Variants in GLI2 observed in about 807,000 individuals in gnomAD.
The protein encoded by GLI2 is GLI family zinc finger 2, also known as transcription activator GLI2.
In GLI2, 22 loss-of-function variants were observed where a neutral mutation model predicts 78.9. That is an observed-to-expected ratio of 0.28 (90% CI 0.20 to 0.40). The LOEUF (loss-of-function observed/expected upper bound fraction) is 0.40. Among genes scored for constraint, GLI2 ranks in the 10% least tolerant of loss-of-function variants. The pLI is 1.00. For synonymous variants in GLI2, 974 were observed against 963.7 expected (o/e 1.01, Z -0.20); for missense variants, 2,097 against 2,213.2 (o/e 0.95, Z 1.05).
chr2:120,833,670 C>T (rs766260120), intron 2 of GLI2, among the ~76,000 whole-genome samples: 1 of 152,092 alleles, frequency 6.6e-6, no homozygotes, highest in Non-Finnish European at 1.5e-5. Flanking sequence ...AGCCACCTCC[C>T]ACCACCGAGG....
At chr2:120,869,982 T>C (rs1688346229) in intron 2 of GLI2, among the ~76,000 whole-genome samples, 1 of 152,212 alleles carries the variant, frequency 6.6e-6, no homozygotes, top group African/African-American at 2.4e-5. Context: ...CTAGACAGTT[T>C]TGGAAAGTTT....
intron 2 of GLI2, among the ~76,000 whole-genome samples, chr2:120,853,916 G>A (rs1353873868): frequency 1.3e-5 from 2 of 151,228 alleles, no homozygotes; most frequent in East Asian, 3.9e-4. Context: ...CCTATGAGAT[G>A]GAGCAGCTTG....
intron 1 of GLI2, among the ~76,000 whole-genome samples, chr2:120,741,069 T>A (rs34333703): frequency 0.16 from 24,975 of 152,228 alleles, 2,105 homozygotes; most frequent in Middle Eastern, 0.27. Context: ...CCTGGCTCAG[T>A]GGGCTTGGGG....
At chr2:120,847,305 C>T (rs952499813) in intron 2 of GLI2, among the ~76,000 whole-genome samples, 3 of 151,922 alleles carry the variant, frequency 2.0e-5, no homozygotes, top group Non-Finnish European at 4.4e-5. Flanking sequence ...GAATATAATC[C>T]AGCCCAGAAG....
chr2:120,773,629 A>T (rs1334565363), intron 1 of GLI2, among the ~76,000 whole-genome samples: 1 of 152,158 alleles, frequency 6.6e-6, no homozygotes, highest in Non-Finnish European at 1.5e-5. Context: ...CAGTAGCGGC[A>T]CAGTATCTGC....
intron 1 of GLI2, among the ~76,000 whole-genome samples, chr2:120,777,532 G>C (rs1328493307): frequency 6.6e-6 from 1 of 151,970 alleles, no homozygotes; most frequent in Non-Finnish European, 1.5e-5. Context: ...GGGCGCGGCA[G>C]GCAGGTGCAG....
chr2:120,983,013 C>G (rs945121203), intron 11 of GLI2, 133 bp downstream of exon 11: 10 of 744,350 alleles, frequency 1.3e-5, no homozygotes, highest in Non-Finnish European at 2.2e-5. Flanking sequence ...GCTATACATC[C>G]TCAGATACAG....
chr2:120,988,400 A>G lies in GLI2; in HGVS notation c.2435A>G (p.Tyr812Cys). 6.4e-7 allele frequency: 1 copy of G among 1,570,492 alleles called. No homozygotes were observed. The highest frequency in any genetic ancestry group is 8.6e-7 in the Non-Finnish European group (1 of 1,168,444). ...VSRRSSGISP[Y>C]FSSRRSSEAS... is the part of the protein sequence containing the mutation. Reference sequence around the variant, plus strand: ...CGCCGCTCCTCCGGCATCTCCCCCTACTTCTCCAGCCGCCGCTCCAGCGAG... The same window carrying G: ...CGCCGCTCCTCCGGCATCTCCCCCTGCTTCTCCAGCCGCCGCTCCAGCGAG... The change falls in exon 14 of 14, where the codon TAC becomes TGC. Residue 812 changes from tyrosine (Y) to cysteine (C), a missense_variant. By Grantham distance (194) the Tyr-to-Cys change is radical (BLOSUM62 -2). Coordinates refer to ENST00000361492, the MANE Select transcript of GLI2 (RefSeq NM_001374353.1).
At chr2:120,893,416 C>T (rs1242372168) in intron 2 of GLI2, among the ~76,000 whole-genome samples, 1 of 152,154 alleles carries the variant, frequency 6.6e-6, no homozygotes. Flanking sequence ...CCCGCTGGCC[C>T]TGCTGCTGAG....
chr2:120,915,021 G>T (rs1573592092), intron 2 of GLI2, among the ~76,000 whole-genome samples: 1 of 152,340 alleles, frequency 6.6e-6, no homozygotes, highest in African/African-American at 2.4e-5. Flanking sequence ...AAATGGCACG[G>T]GGCTGGCCTC....
intron 2 of GLI2, among the ~76,000 whole-genome samples, chr2:120,915,333 C>T (rs1012988192): frequency 1.3e-5 from 2 of 152,264 alleles, no homozygotes; most frequent in African/African-American, 4.8e-5. Flanking sequence ...CACCAGCCAG[C>T]TCGTGGTGTT....
intron 2 of GLI2, among the ~76,000 whole-genome samples, chr2:120,905,709 C>G (rs948796923): frequency 1.3e-5 from 2 of 152,214 alleles, no homozygotes; most frequent in African/African-American, 4.8e-5. Context: ...GAGGGCCCTT[C>G]AGCAGGAACG....
At chr2:120,785,836 G>T (rs953033881) in intron 1 of GLI2, among the ~76,000 whole-genome samples, 5 of 152,246 alleles carry the variant, frequency 3.3e-5, no homozygotes, top group Admixed American at 3.3e-4. Flanking sequence ...TGCACTGCCA[G>T]TCTGGGCTGG....
At chr2:120,746,127 C>G (rs1682686865) in intron 1 of GLI2, among the ~76,000 whole-genome samples, 1 of 152,228 alleles carries the variant, frequency 6.6e-6, no homozygotes, top group Non-Finnish European at 1.5e-5. Flanking sequence ...AGTGCCATCT[C>G]TCTCCGTCTT....
intron 2 of GLI2, among the ~76,000 whole-genome samples, chr2:120,916,019 C>T (rs1301597382): frequency 1.3e-5 from 2 of 152,196 alleles, no homozygotes; most frequent in Non-Finnish European, 2.9e-5. Context: ...CAACTGGGAA[C>T]TATGGAGCCA....
chr2:120,978,758 C>T (rs1040453257), intron 10 of GLI2, among the ~76,000 whole-genome samples, 175 bp downstream of exon 10: 2 of 152,190 alleles, frequency 1.3e-5, no homozygotes, highest in Non-Finnish European at 2.9e-5. Flanking sequence ...CTGGAGGCCC[C>T]TCGCCTCGTG....
intron 4 of GLI2, among the ~76,000 whole-genome samples, chr2:120,953,199 G>A (rs1681078944): frequency 6.6e-6 from 1 of 152,194 alleles, no homozygotes; most frequent in African/African-American, 2.4e-5. Context: ...AATAACAGGT[G>A]TCCTTACAAG....
At chr2:120,942,476 T>A (rs918374970) in intron 3 of GLI2, among the ~76,000 whole-genome samples, 11 of 152,254 alleles carry the variant, frequency 7.2e-5, no homozygotes, top group Admixed American at 6.5e-5. Flanking sequence ...GACCCCATGA[T>A]GGCATGTAGG....
At chr2:120,767,090 AC>A (rs1462822436) in intron 1 of GLI2, among the ~76,000 whole-genome samples, 1 of 152,184 alleles carries the variant, frequency 6.6e-6, no homozygotes, top group African/African-American at 2.4e-5. Context: ...GGAAGGCCCG[AC>A]AGACATACAG....
Sources: gnomAD v4.1 joint callset for allele counts (sites outside exome capture counted in the v4.1 genomes callset) on GRCh38, gnomAD v4.1.1 for gene constraint, MANE v1.5 for transcripts, NCBI Gene and HGNC (gene_info 2026-07-23, HGNC 2026-07-21) for gene names.